KLRG1: variants seen among roughly 807,000 people sequenced by gnomAD.
KLRG1 encodes the protein killer cell lectin-like receptor subfamily G member 1.
In KLRG1, 16 loss-of-function variants were observed where a neutral mutation model predicts 21.8. The ratio of observed to expected loss-of-function variants is 0.73; its 90% CI spans 0.50 to 1.11. The LOEUF (loss-of-function observed/expected upper bound fraction) is 1.11. KLRG1 is among the 50% of genes most tolerant of loss of function. KLRG1 has a pLI of 0.00. For synonymous variants in KLRG1, 69 were observed against 75.9 expected, an observed-to-expected ratio of 0.91 and a Z score of 0.47; for missense variants, 173 against 218.3, an observed-to-expected ratio of 0.79 and a Z score of 1.31.
At chr12:8,951,469 A>G (rs984427750) in intron 1 of KLRG1, among the ~76,000 whole-genome samples, 4 of 152,238 alleles carry the variant, frequency 2.6e-5, no homozygotes, top group African/African-American at 9.6e-5. Context: ...AACCTATCTC[A>G]AAAAGATATG....
Position 8,989,677 on chromosome 12 carries a change from G to A in KLRG1, c.42G>A (p.Thr14=), listed in dbSNP as rs34102416. ...TTTATTCCATGTTAGAGTTGCCTAC[G>A]GCAACCCAAGCCCAGAATGACTATG... ...SVIYSMLELP[T]ATQAQNDYGP... is the part of the protein sequence containing the mutation. Residue 14 remains threonine, a synonymous_variant, in exon 1 of 5, where the codon ACG becomes ACA. Coordinates refer to ENST00000356986, the MANE Select transcript of KLRG1 (RefSeq NM_005810.4). 4.4e-3 allele frequency: 7,105 copies of A among 1,610,944 alleles called. 31 individuals carry two copies. The highest frequency in any genetic ancestry group is 5.4e-3 in the Non-Finnish European group (6,413 of 1,178,154).
the KLRG1 span, among the ~76,000 whole-genome samples, chr12:9,113,783 A>T: frequency 6.6e-6 from 1 of 152,220 alleles, no homozygotes; most frequent in East Asian, 1.9e-4. Flanking sequence ...ACTTGTAGGC[A>T]TGCTTCACTT....
the KLRG1 span, among the ~76,000 whole-genome samples, chr12:9,198,531 T>A: frequency 6.6e-6 from 1 of 151,908 alleles, no homozygotes; most frequent in African/African-American, 2.4e-5. Flanking sequence ...ACACGTGCAC[T>A]GACACACATG....
chr12:9,193,959 C>A, the KLRG1 span: 1 of 1,031,290 alleles, frequency 9.7e-7, no homozygotes, highest in Non-Finnish European at 1.3e-6. Context: ...AATTTGTAAA[C>A]TCAAAGTTAG....
the KLRG1 span, chr12:9,149,419 C>A: frequency 1.3e-6 from 1 of 760,950 alleles, no homozygotes; most frequent in South Asian, 2.4e-5. Context: ...GCATGCTACG[C>A]CACAGTTTTG....
At chr12:9,093,753 G>A in the KLRG1 span, among the ~76,000 whole-genome samples, 1 of 152,166 alleles carries the variant, frequency 6.6e-6, no homozygotes, top group Non-Finnish European at 1.5e-5. Context: ...GAGGAAATAT[G>A]TTGGTTGACT....
chr12:9,032,779 C>G, the KLRG1 span, among the ~76,000 whole-genome samples: 1 of 152,232 alleles, frequency 6.6e-6, no homozygotes, highest in Non-Finnish European at 1.5e-5. Flanking sequence ...CCAGCTGACT[C>G]GGGCCAGACC....
At chr12:9,090,815 C>T in the KLRG1 span, among the ~76,000 whole-genome samples, 1 of 152,146 alleles carries the variant, frequency 6.6e-6, no homozygotes, top group South Asian at 2.1e-4. Flanking sequence ...GACTTATAAA[C>T]AGTTATGGTT....
the KLRG1 span, chr12:9,077,316 C>T: frequency 1.3e-6 from 2 of 1,590,984 alleles, no homozygotes; most frequent in East Asian, 2.2e-5. Context: ...CCAGAACTCT[C>T]CTTCAGCAGA....
At chr12:9,178,578 A>C in the KLRG1 span, among the ~76,000 whole-genome samples, 6 of 152,244 alleles carry the variant, frequency 3.9e-5, no homozygotes, top group Non-Finnish European at 8.8e-5. Context: ...GTAAGAACGA[A>C]TCTTCTATCT....
the KLRG1 span, chr12:9,164,228 A>G: frequency 6.2e-7 from 1 of 1,612,818 alleles, no homozygotes; most frequent in Non-Finnish European, 8.5e-7. Context: ...GGAAGCTAGG[A>G]AGGCTGGAGA....
the KLRG1 span, chr12:9,077,273 A>G: frequency 7.4e-7 from 1 of 1,357,420 alleles, no homozygotes; most frequent in African/African-American, 1.4e-5. Context: ...ATAGGATAGT[A>G]TTTCAGACAG....
At chr12:9,061,228 T>C in the KLRG1 span, among the ~76,000 whole-genome samples, 17 of 152,226 alleles carry the variant, frequency 1.1e-4, 1 homozygote, top group Admixed American at 3.3e-4. Flanking sequence ...CCAGATAAAG[T>C]TTTTGAAAAG....
intron 3 of KLRG1, among the ~76,000 whole-genome samples, chr12:9,001,615 C>T (rs1247196404): frequency 6.6e-6 from 1 of 152,200 alleles, no homozygotes; most frequent in Admixed American, 6.5e-5. Flanking sequence ...GTCAAATGCT[C>T]CTTTTCTCTG....
the KLRG1 span, chr12:9,052,883 T>C: frequency 2.2e-6 from 1 of 448,092 alleles, no homozygotes. Flanking sequence ...AGATGGTAGA[T>C]ACTCAGTATT....
At chr12:9,105,284 G>C in the KLRG1 span, among the ~76,000 whole-genome samples, 1 of 152,120 alleles carries the variant, frequency 6.6e-6, no homozygotes. Flanking sequence ...ACATAATTCT[G>C]ATTTTCTTCT....
chr12:9,196,468 A>G, the KLRG1 span: 2 of 1,581,442 alleles, frequency 1.3e-6, no homozygotes, highest in South Asian at 2.2e-5. Flanking sequence ...CAGTACTTTT[A>G]GAAGTTACTT....
chr12:9,147,753 C>T, the KLRG1 span, among the ~76,000 whole-genome samples: 2 of 152,164 alleles, frequency 1.3e-5, no homozygotes, highest in African/African-American at 4.8e-5. Context: ...ACCCACCATT[C>T]TTCTATGACT....
the KLRG1 span, among the ~76,000 whole-genome samples, chr12:9,189,522 C>T: frequency 1.2e-4 from 19 of 152,104 alleles, no homozygotes; most frequent in Non-Finnish European, 2.6e-4. Context: ...AATGTAAAAC[C>T]AAAAAGTATA....
Sources: allele counts gnomAD v4.1 joint callset (sites outside exome capture counted in the v4.1 genomes callset), GRCh38; gene constraint gnomAD v4.1.1; transcripts MANE v1.5; gene names NCBI Gene and HGNC (gene_info 2026-07-23, HGNC 2026-07-21).